SLC10A7: variants seen among roughly 807,000 people sequenced by gnomAD.
The protein encoded by SLC10A7 is solute carrier family 10 member 7.
Under a neutral mutation model 43.2 loss-of-function variants are expected in SLC10A7, and 29 were observed. The observed-to-expected ratio is 0.67, with a 90% CI of 0.50 to 0.92. The LOEUF (loss-of-function observed/expected upper bound fraction) is 0.92, where lower values mean the gene tolerates loss of function less well. Ranked by LOEUF, SLC10A7 falls within the 40% of genes least tolerant of loss-of-function variation. SLC10A7 has a pLI of 0.00. For synonymous variants in SLC10A7, 152 were observed against 144.8 expected (o/e 1.05, Z -0.35); for missense variants, 295 against 403.2 (o/e 0.73, Z 2.30).
rs1470937914 is a variant in SLC10A7, at chr4:146,255,092, G to A, written c.*1399C>T. ...AACAAAAACAGCTGCTGAGGACATA[G>A]CACGGCCTCAGTGAGACCCAGGATG... On this transcript the variant is annotated 3_prime_UTR_variant, in exon 12 of 12. Transcript: ENST00000335472. 6.6e-6 allele frequency: 1 copy of A among 152,310 alleles called. No individual in the cohort carries two copies. The highest frequency in any genetic ancestry group is 1.5e-5 in the Non-Finnish European group (1 of 68,050). 9.4% of individuals were successfully genotyped at this position (152,310 alleles called of 1,614,324 possible).
intron 11 of SLC10A7, chr4:146,256,912 G>A (rs1336329401): frequency 2.6e-6 from 4 of 1,536,238 alleles, no homozygotes; most frequent in African/African-American, 2.7e-5. Flanking sequence ...AAGTTAGCCA[G>A]TGGCCCCCTG....
chr4:146,511,740 T>C (rs1737491999), intron 2 of SLC10A7, among the ~76,000 whole-genome samples: 1 of 152,064 alleles, frequency 6.6e-6, no homozygotes, highest in Admixed American at 6.5e-5. Context: ...GGATCAGACC[T>C]AAGAGAAAGC....
At position 146,294,115 on chromosome 4, in the gene SLC10A7, A is replaced by G. The variant is rs1730622257; in HGVS notation, c.556-20T>C. 1.9e-6 allele frequency: 3 copies of G among 1,539,768 alleles called. No individual in the cohort carries two copies. The highest frequency in any genetic ancestry group is 2.3e-5 in the East Asian group (1 of 43,036). Reference sequence around the variant, plus strand: ...GACAATCTGAAATACAGAGATCAACAGGTTGCCTCTTTTCAGAGATGGAGG... The same window carrying G: ...GACAATCTGAAATACAGAGATCAACGGGTTGCCTCTTTTCAGAGATGGAGG... On this transcript the variant is annotated intron_variant, in intron 7 of 11. Transcript: ENST00000335472.
intron 5 of SLC10A7, among the ~76,000 whole-genome samples, chr4:146,410,723 A>G (rs1728128470): frequency 6.6e-6 from 1 of 152,184 alleles, no homozygotes; most frequent in Non-Finnish European, 1.5e-5. Flanking sequence ...TTTTAAACCT[A>G]CACACTTGTA....
chr4:146,479,524 C>CA (rs761247492), intron 4 of SLC10A7, among the ~76,000 whole-genome samples: 11 of 152,006 alleles, frequency 7.2e-5, no homozygotes, highest in Non-Finnish European at 1.3e-4. Context: ...TATAATGGGA[C>CA]AATATTGTAT....
At chr4:146,509,194 CT>C (rs1560979640) in intron 3 of SLC10A7, among the ~76,000 whole-genome samples, 2 of 152,132 alleles carry the variant, frequency 1.3e-5, no homozygotes, top group African/African-American at 4.8e-5. Flanking sequence ...ACAACACCCC[CT>C]GAGACTCCCC....
chr4:146,345,618 G>A (rs189728380), intron 5 of SLC10A7, among the ~76,000 whole-genome samples: 11 of 152,116 alleles, frequency 7.2e-5, no homozygotes, highest in African/African-American at 2.7e-4. Context: ...CACTCTTATG[G>A]CACTATAGAT....
intron 5 of SLC10A7, among the ~76,000 whole-genome samples, chr4:146,406,924 A>C (rs1347371955): frequency 6.6e-6 from 1 of 152,200 alleles, no homozygotes; most frequent in Non-Finnish European, 1.5e-5. Context: ...TGGAGGTTGC[A>C]GTGAGCTGAG....
chr4:146,501,507 T>C (rs1331941309), intron 4 of SLC10A7, among the ~76,000 whole-genome samples: 1 of 152,172 alleles, frequency 6.6e-6, no homozygotes. Flanking sequence ...AGCCTATTTG[T>C]GGTTCTCCAA....
intron 5 of SLC10A7, among the ~76,000 whole-genome samples, chr4:146,411,307 GA>G (rs1249506792): frequency 2.6e-5 from 4 of 152,104 alleles, no homozygotes; most frequent in Non-Finnish European, 5.9e-5. Context: ...CTATGAGATG[GA>G]AAAACAAAAT....
At chr4:146,408,744 A>T (rs747310113) in intron 5 of SLC10A7, 1 of 152,024 alleles carries the variant, frequency 6.6e-6, no homozygotes, top group Non-Finnish European at 1.5e-5. Flanking sequence ...TCTCTGAAGC[A>T]TCCTTTAATT....
In SLC10A7 at chr4:146,521,607, G is replaced by C; in HGVS notation, c.100+11C>G. ...GAGCCGCGGTGGAGCCGGCAGAGGT[G>C]CAGCACTTACCCCCATTCACCCCTA... On this transcript the variant is annotated intron_variant, in intron 1 of 11. Transcript: ENST00000335472. 6.2e-7 allele frequency: 1 copy of C among 1,609,252 alleles called. No individual in the cohort carries two copies. Among genetic ancestry groups the C allele is most frequent in the Non-Finnish European group, 8.5e-7 (1 of 1,175,924 alleles).
chr4:146,474,455 T>A (rs114884405), intron 4 of SLC10A7, among the ~76,000 whole-genome samples: 1 of 152,138 alleles, frequency 6.6e-6, no homozygotes, highest in Admixed American at 6.6e-5. Flanking sequence ...GGTGACAGGA[T>A]AAATAGTGGC....
At chr4:146,395,189 C>T (rs1013965480) in intron 5 of SLC10A7, among the ~76,000 whole-genome samples, 3 of 151,838 alleles carry the variant, frequency 2.0e-5, no homozygotes, top group Admixed American at 6.6e-5. Flanking sequence ...AGCAATATAG[C>T]AAGACCCCCA....
intron 5 of SLC10A7, among the ~76,000 whole-genome samples, chr4:146,360,997 C>G (rs1340972280): frequency 6.6e-6 from 1 of 152,098 alleles, no homozygotes; most frequent in Non-Finnish European, 1.5e-5. Context: ...CATGTATTTT[C>G]TGCTCTCTAC....
At chr4:146,366,137 G>A (rs575964512) in intron 5 of SLC10A7, among the ~76,000 whole-genome samples, 5 of 152,204 alleles carry the variant, frequency 3.3e-5, no homozygotes, top group South Asian at 4.2e-4. Context: ...CTACAAAACC[G>A]GTCTAACTGG....
At chr4:146,368,572 A>G (rs902161092) in intron 5 of SLC10A7, among the ~76,000 whole-genome samples, 3 of 152,160 alleles carry the variant, frequency 2.0e-5, no homozygotes, top group South Asian at 2.1e-4. Flanking sequence ...ACAAAGGAAC[A>G]TTTTGTCCAG....
intron 5 of SLC10A7, among the ~76,000 whole-genome samples, chr4:146,347,712 T>G (rs1734722414): frequency 6.6e-6 from 1 of 152,202 alleles, no homozygotes; most frequent in Non-Finnish European, 1.5e-5. Flanking sequence ...TAATCTATAT[T>G]GTTTGTGTAC....
At chr4:146,374,350 A>T (rs1388965896) in intron 5 of SLC10A7, among the ~76,000 whole-genome samples, 2 of 152,010 alleles carry the variant, frequency 1.3e-5, no homozygotes, top group Non-Finnish European at 2.9e-5. Flanking sequence ...GCACTTTGGG[A>T]GGCCGAGGCA....
Sources: allele counts gnomAD v4.1 joint callset (sites outside exome capture counted in the v4.1 genomes callset), GRCh38; gene constraint gnomAD v4.1.1; transcripts MANE v1.5; gene names NCBI Gene and HGNC (gene_info 2026-07-23, HGNC 2026-07-21).